Variants in ERBB4 observed in about 807,000 individuals in gnomAD.
ERBB4 encodes the protein erb-b2 receptor tyrosine kinase 4.
In ERBB4, 42 loss-of-function variants were observed where a neutral mutation model predicts 158.0. That is an observed-to-expected ratio of 0.27 (90% CI 0.21 to 0.34). The LOEUF is 0.34. ERBB4 is among the 10% of genes least tolerant of loss of function. The probability of loss-of-function intolerance (pLI) is 1.00; values close to 1 mark genes in which losing one functional copy is unlikely to be tolerated. For missense variants in ERBB4, 1,333 were observed against 1,624.1 expected (o/e 0.82, Z 3.08); for synonymous variants, 583 against 558.7 (o/e 1.04, Z -0.61).
chr2:211,689,838 A>T (rs2072726387), intron 12 of ERBB4, among the ~76,000 whole-genome samples: 1 of 151,964 alleles, frequency 6.6e-6, no homozygotes, highest in South Asian at 2.1e-4. Context: ...AATCCTGAAG[A>T]GGGAAAGTTG....
At chr2:212,226,515 G>T (rs1376788839) in intron 1 of ERBB4, among the ~76,000 whole-genome samples, 1 of 151,892 alleles carries the variant, frequency 6.6e-6, no homozygotes, top group Non-Finnish European at 1.5e-5. Flanking sequence ...CTGTTCTCTA[G>T]GAAAGAAACC....
intron 3 of ERBB4, among the ~76,000 whole-genome samples, chr2:211,921,904 G>T (rs992256837): frequency 6.6e-6 from 1 of 152,040 alleles, no homozygotes; most frequent in Non-Finnish European, 1.5e-5. Context: ...TTTAATAATT[G>T]CTATTAGCTG....
chr2:212,125,073 C>G, intron 1 of ERBB4, 170 bp from the exon 2 acceptor site: 1 of 697,420 alleles, frequency 1.4e-6, no homozygotes, highest in South Asian at 1.8e-5. Flanking sequence ...AACATTTTCA[C>G]TTTTATATTC....
At chr2:212,359,472 G>C (rs2089599279) in intron 1 of ERBB4, among the ~76,000 whole-genome samples, 1 of 151,302 alleles carries the variant, frequency 6.6e-6, no homozygotes, top group South Asian at 2.1e-4. Flanking sequence ...TGCAGGTTTT[G>C]TTTTGGGCTA....
intron 1 of ERBB4, among the ~76,000 whole-genome samples, chr2:212,352,871 AAAAAT>A (rs1301582500): frequency 1.7e-4 from 26 of 152,314 alleles, no homozygotes; most frequent in African/African-American, 6.0e-4. Context: ...TCTGTCTCAA[AAAAAT>A]AAAATAAAAC....
intron 1 of ERBB4, among the ~76,000 whole-genome samples, chr2:212,133,482 A>G (rs1302690916): frequency 6.8e-6 from 1 of 146,758 alleles, no homozygotes; most frequent in Non-Finnish European, 1.5e-5. Context: ...TTTTTATGAT[A>G]TGTCTCCACA....
chr2:212,236,542 C>T (rs2083882092), intron 1 of ERBB4, among the ~76,000 whole-genome samples: 1 of 152,144 alleles, frequency 6.6e-6, no homozygotes, highest in African/African-American at 2.4e-5. Context: ...GAAGGAATGG[C>T]ACAAGCTCCT....
chr2:211,794,687 A>T (rs2076345601), intron 3 of ERBB4, among the ~76,000 whole-genome samples: 1 of 151,964 alleles, frequency 6.6e-6, no homozygotes, highest in Non-Finnish European at 1.5e-5. Context: ...TTAAGAAAGT[A>T]GTAATCCACT....
chr2:211,561,848 G>A, intron 20 of ERBB4, 55 bp downstream of exon 20: 2 of 1,447,446 alleles, frequency 1.4e-6, no homozygotes, highest in Non-Finnish European at 1.9e-6. Context: ...ACTGTTCCAG[G>A]TTAGGAAATA....
At chr2:212,191,698 A>G (rs62647513) in intron 1 of ERBB4, among the ~76,000 whole-genome samples, 1 of 29,392 alleles carries the variant, frequency 3.4e-5, no homozygotes, top group Non-Finnish European at 1.0e-4. Flanking sequence ...TGTTACATAT[A>G]ACACGTGTTA....
chr2:212,134,505 T>C (rs1001506424), intron 1 of ERBB4, among the ~76,000 whole-genome samples: 4 of 152,068 alleles, frequency 2.6e-5, no homozygotes, highest in African/African-American at 9.6e-5. Flanking sequence ...AGGAAATGTG[T>C]TTCATAATTT....
intron 16 of ERBB4, 199 bp downstream of exon 16, chr2:211,657,555 G>T: frequency 1.7e-6 from 1 of 582,096 alleles, no homozygotes. Flanking sequence ...TGGGACTCTT[G>T]TATCACAATG....
intron 2 of ERBB4, among the ~76,000 whole-genome samples, chr2:212,027,557 G>T (rs1192335084): frequency 1.3e-5 from 2 of 152,086 alleles, no homozygotes; most frequent in Non-Finnish European, 2.9e-5. Context: ...ATAGTTAAGG[G>T]TCTGGAGAAT....
intron 1 of ERBB4, among the ~76,000 whole-genome samples, chr2:212,372,053 C>T (rs73056509): frequency 0.03 from 4,573 of 151,900 alleles, 217 homozygotes; most frequent in African/African-American, 0.1. Context: ...ACAAGAAGAC[C>T]TGGGCCTTAT....
intron 2 of ERBB4, among the ~76,000 whole-genome samples, chr2:212,038,262 T>TTA (rs1174104785): frequency 1.3e-5 from 2 of 152,028 alleles, no homozygotes; most frequent in African/African-American, 4.8e-5. Flanking sequence ...GTCTCTTTAT[T>TTA]TATATATATG....
chr2:211,727,469 C>A (rs528835213), intron 5 of ERBB4, among the ~76,000 whole-genome samples: 2 of 152,036 alleles, frequency 1.3e-5, no homozygotes, highest in East Asian at 3.9e-4. Flanking sequence ...AGGCAGTATT[C>A]CCTTCAAGTA....
chr2:211,944,188 T>TA (rs1559154797), intron 3 of ERBB4, among the ~76,000 whole-genome samples: 2 of 46,866 alleles, frequency 4.3e-5, no homozygotes, highest in African/African-American at 2.2e-4. Flanking sequence ...TATATATATA[T>TA]ATATATATAT....
intron 1 of ERBB4, among the ~76,000 whole-genome samples, chr2:212,486,437 T>C (rs1465639650): frequency 6.6e-6 from 1 of 152,132 alleles, no homozygotes; most frequent in East Asian, 1.9e-4. Context: ...TAAATAATGT[T>C]GTATTTGTTT....
chr2:211,729,705 C>G (rs149704496), intron 5 of ERBB4, among the ~76,000 whole-genome samples: 1 of 151,844 alleles, frequency 6.6e-6, no homozygotes, highest in African/African-American at 2.4e-5. Context: ...GGACACAAAA[C>G]AAAAAATAAT....
Sources: gnomAD v4.1 joint callset for allele counts (sites outside exome capture counted in the v4.1 genomes callset) on GRCh38, gnomAD v4.1.1 for gene constraint, MANE v1.5 for transcripts, NCBI Gene and HGNC (gene_info 2026-07-23, HGNC 2026-07-21) for gene names.